Variants in RNF214 observed in about 807,000 individuals in gnomAD.
RNF214 encodes ring finger protein 214.
A neutral mutation model predicts 75.9 loss-of-function variants in RNF214; 25 were observed. The ratio of observed to expected loss-of-function variants is 0.33; its 90% confidence interval spans 0.24 to 0.46. The LOEUF is 0.46. RNF214 is among the 20% of genes least tolerant of loss of function. RNF214 has a pLI of 1.00. For missense variants in RNF214, 725 were observed against 857.5 expected (o/e 0.85, Z 1.93); for synonymous variants, 314 against 308.8 (o/e 1.02, Z -0.18).
At chr11:117,271,805 G>T (rs773030905) in intron 6 of RNF214, among the ~76,000 whole-genome samples, 2 of 152,112 alleles carry the variant, frequency 1.3e-5, no homozygotes, top group Admixed American at 6.6e-5. Flanking sequence ...AACAAAGTTT[G>T]AGGTGTTTTT....
At chr11:117,240,755 C>A (rs1189338039) in intron 4 of RNF214, among the ~76,000 whole-genome samples, 1 of 150,136 alleles carries the variant, frequency 6.7e-6, no homozygotes, top group Non-Finnish European at 1.5e-5. Context: ...TAACTTCTTG[C>A]TTCAGGCCGG....
At chr11:117,256,875 G>A (rs2033538432) in intron 6 of RNF214, among the ~76,000 whole-genome samples, 1 of 152,062 alleles carries the variant, frequency 6.6e-6, no homozygotes. Flanking sequence ...CACTTTTTCT[G>A]CTTAGTATAT....
Position 117,282,007 on chromosome 11 carries a change from C to T in RNF214, c.1449C>T (p.Ser483=), listed in dbSNP as rs1410004640. 1.2e-6 allele frequency: 2 copies of T among 1,613,994 alleles called. No homozygotes were observed. The highest frequency in any genetic ancestry group is 2.2e-5 in the East Asian group (1 of 44,878). Residue 483 remains serine, a synonymous_variant, in exon 11 of 15, where the codon TCC becomes TCT. Transcript: ENST00000300650. Reference sequence around the variant, plus strand: ...TTATGCCCAGTGCAGATCCCCGCTCCTTGTCTTTCCCAATCCTGAACCCTG... The same window carrying T: ...TTATGCCCAGTGCAGATCCCCGCTCTTTGTCTTTCCCAATCCTGAACCCTG... ...PMVMPSADPR[S]LSFPILNPAL...
intron 6 of RNF214, among the ~76,000 whole-genome samples, chr11:117,276,740 C>G (rs917910852): frequency 8.5e-5 from 13 of 152,148 alleles, no homozygotes; most frequent in Non-Finnish European, 1.9e-4. Flanking sequence ...TGGAATGTTT[C>G]CATTGACATA....
At chr11:117,265,144 T>C (rs931117662) in intron 6 of RNF214, among the ~76,000 whole-genome samples, 1 of 152,142 alleles carries the variant, frequency 6.6e-6, no homozygotes, top group Non-Finnish European at 1.5e-5. Context: ...AGTTCATTTA[T>C]ATTTAATGTA....
At chr11:117,245,863 A>G (rs551477720) in intron 5 of RNF214, among the ~76,000 whole-genome samples, 8 of 152,330 alleles carry the variant, frequency 5.3e-5, no homozygotes, top group African/African-American at 1.7e-4. Flanking sequence ...GTGTGAGCAT[A>G]GAGAAAGATG....
chr11:117,237,526 T>G (rs1334809792), intron 2 of RNF214, among the ~76,000 whole-genome samples: 20 of 152,186 alleles, frequency 1.3e-4, no homozygotes, highest in Admixed American at 1.3e-3. Flanking sequence ...GTCAAAGAAA[T>G]TAAACATAGG....
rs748034404 is a variant in RNF214, at chr11:117,244,658, CTT to C, written c.819+75_819+76del. Reference sequence around the variant, plus strand: ...GATCAAACTTTAATTTTTTAAAAAACTTTATTTATTTATTTATTTATTTTTGA... The same window carrying C: ...GATCAAACTTTAATTTTTTAAAAAACTATTTATTTATTTATTTATTTTTGA... On this transcript the variant is annotated intron_variant, in intron 5 of 14. Transcript: ENST00000300650. 2,938 of 1,142,528 alleles carry C rather than the reference CTT, an allele frequency of 2.6e-3. 7 individuals are homozygous for C. Among genetic ancestry groups the C allele is most frequent in the Admixed American group, 5.2e-3 (176 of 34,028 alleles). 70.8% of individuals were successfully genotyped at this position (1,142,528 alleles called of 1,614,324 possible). A position where few individuals can be genotyped will look rare whatever the true frequency, so the allele number is the denominator to read the frequency against.
chr11:117,234,336 T>G lies in RNF214; in HGVS notation c.64T>G (p.Leu22Val). ...CCCCAGTCCTCCGGAATCTTCTAGT[T>G]TATGTGCTTCCAAATCAGACGAAGG... ...NAPSPPESSSLCASKSDEGLP... is the reference protein window; with the variant it reads ...NAPSPPESSSVCASKSDEGLP... The change falls in exon 2 of 15, where the codon TTA (leucine) becomes GTA (valine). Residue 22 changes from leucine (L) to valine (V), a missense_variant. This residue lies in a region of RNF214 where 362 missense variants were observed against 344.5 expected (regional missense o/e 1.05). Transcript: ENST00000300650. 6.2e-7 allele frequency: 1 copy of G among 1,614,188 alleles called. No individual in the cohort carries two copies. The highest frequency in any genetic ancestry group is 1.3e-5 in the African/African-American group (1 of 75,048).
At chr11:117,261,003 A>G (rs11216338) in intron 6 of RNF214, among the ~76,000 whole-genome samples, 104,978 of 150,844 alleles carry the variant, frequency 0.7, 37,615 homozygotes, top group East Asian at 0.95. Flanking sequence ...ACACAGTTTT[A>G]TCTTCCTTTC....
At chr11:117,282,639 A>G (rs2034152207) in intron 12 of RNF214, 103 bp downstream of exon 12, 1 of 1,546,934 alleles carries the variant, frequency 6.5e-7, no homozygotes, top group South Asian at 1.1e-5. Context: ...AGTCAGAGGT[A>G]GCTAGTCTGC....
At chr11:117,240,536 A>T (rs1439639373) in intron 4 of RNF214, among the ~76,000 whole-genome samples, 1 of 151,728 alleles carries the variant, frequency 6.6e-6, no homozygotes, top group Non-Finnish European at 1.5e-5. Context: ...AAAAATACAA[A>T]AATTAGCCGG....
At position 117,283,559 on chromosome 11, in the gene RNF214, C is replaced by T. The variant is rs200433362; in HGVS notation, c.2046+349C>T. 4.1e-4 allele frequency among the ~76,000 whole-genome samples: 63 copies of T among 152,190 alleles called. 2 individuals carry two copies. In the East Asian group the frequency reaches 0.01, roughly 24 times the overall value. ...TATTTTTAGTAGAGACAGGGTTTCACCATATTGGCCAGGCTGGTCTCGAAC... is the reference window on the plus strand; with the variant it reads ...TATTTTTAGTAGAGACAGGGTTTCATCATATTGGCCAGGCTGGTCTCGAAC... On this transcript the variant is annotated intron_variant, in intron 14 of 14. Coordinates refer to ENST00000300650, the MANE Select transcript of RNF214 (RefSeq NM_207343.4).
chr11:117,257,976 A>C (rs915163565), intron 6 of RNF214, among the ~76,000 whole-genome samples: 2 of 152,200 alleles, frequency 1.3e-5, no homozygotes, highest in East Asian at 3.8e-4. Flanking sequence ...AGTATTGTAC[A>C]TTAACACTGA....
intron 4 of RNF214, 55 bp from the exon 5 acceptor site, chr11:117,244,390 A>G: frequency 6.7e-7 from 1 of 1,500,674 alleles, no homozygotes; most frequent in Non-Finnish European, 9.2e-7. Context: ...GGCACTGGTG[A>G]ATGTTTCTTG....
At chr11:117,249,889 C>T (rs1217202154) in intron 6 of RNF214, among the ~76,000 whole-genome samples, 1 of 152,186 alleles carries the variant, frequency 6.6e-6, no homozygotes, top group Non-Finnish European at 1.5e-5. Context: ...TACAATTACA[C>T]TGGGGTTAGG....
intron 8 of RNF214, among the ~76,000 whole-genome samples, 158 bp from the exon 9 acceptor site, chr11:117,281,156 A>G (rs1208324718): frequency 6.6e-6 from 1 of 151,362 alleles, no homozygotes; most frequent in Admixed American, 6.6e-5. Context: ...GCATTTTTTT[A>G]AGAGACAGGG....
intron 2 of RNF214, among the ~76,000 whole-genome samples, chr11:117,237,037 C>T (rs1026694290): frequency 6.6e-6 from 1 of 152,074 alleles, no homozygotes; most frequent in African/African-American, 2.4e-5. Flanking sequence ...AATTAAGCAC[C>T]CGCTCACAGT....
chr11:117,236,786 T>C (rs554791282), intron 2 of RNF214, among the ~76,000 whole-genome samples: 4 of 152,340 alleles, frequency 2.6e-5, no homozygotes, highest in African/African-American at 9.6e-5. Flanking sequence ...TTTTGATAAA[T>C]AAAATCAACT....
Sources: gnomAD v4.1 joint callset for allele counts (sites outside exome capture counted in the v4.1 genomes callset) on GRCh38, gnomAD v4.1.1 for gene constraint, gnomAD v4.1.1 regional missense constraint, MANE v1.5 for transcripts, NCBI Gene and HGNC (gene_info 2026-07-23, HGNC 2026-07-21) for gene names.